The following FBXL12 variants were observed in gnomAD, a reference collection of about 807,000 sequenced individuals.
FBXL12 encodes F-box/LRR-repeat protein 12.
FBXL12 carries 22 observed loss-of-function variants against 24.9 expected under a neutral mutation model. The ratio of observed to expected loss-of-function variants is 0.88; its 90% CI spans 0.63 to 1.26. The LOEUF (loss-of-function observed/expected upper bound fraction) is 1.26, where lower values mean the gene tolerates loss of function less well. Ranked by LOEUF, FBXL12 falls within the 50% of genes most tolerant of loss-of-function variation. The pLI is 0.00. For synonymous variants in FBXL12, 193 were observed against 193.8 expected, an observed-to-expected ratio of 1.00 and a Z score of 0.03; for missense variants, 384 against 434.1, an observed-to-expected ratio of 0.88 and a Z score of 1.03.
Position 9,810,572 on chromosome 19 carries a change from G to A in FBXL12, c.*324C>T, listed in dbSNP as rs1318312435. The A allele has an allele frequency of 1.8e-5, 4 of 226,494 alleles. No individual in the cohort carries two copies. The highest frequency in any genetic ancestry group is 2.6e-5 in the Non-Finnish European group (3 of 113,246). 14.0% of individuals were successfully genotyped at this position (226,494 alleles called of 1,614,324 possible). A position where few individuals can be genotyped will look rare whatever the true frequency, so the allele number is the denominator to read the frequency against. Reference sequence around the variant, plus strand: ...CTTCATCCGTCCTGTTCCTGAAGACGACCATGAAGGTGACTCTTCATTGAG... The same window carrying A: ...CTTCATCCGTCCTGTTCCTGAAGACAACCATGAAGGTGACTCTTCATTGAG... On this transcript the variant is annotated 3_prime_UTR_variant, in exon 3 of 3. Coordinates refer to ENST00000247977, the MANE Select transcript of FBXL12 (RefSeq NM_017703.3).
At chr19:9,818,438 A>G in intron 2 of FBXL12, 107 bp downstream of exon 2, 1 of 1,265,910 alleles carries the variant, frequency 7.9e-7, no homozygotes, top group Non-Finnish European at 1.1e-6. Context: ...GCCTGGCTCT[A>G]AATCCCCAGC....
chr19:9,818,922 G>T lies in FBXL12; in HGVS notation c.-109C>A. On this transcript the variant is annotated 5_prime_UTR_variant, in exon 1 of 3. Coordinates refer to ENST00000247977, the MANE Select transcript of FBXL12 (RefSeq NM_017703.3). ...CCGCGACCTTCCCGTAGCCGGTCGA[G>T]AAATTTGACCTTCCTCTCGCTGGGA... The T allele has an allele frequency of 1.9e-6, 2 of 1,047,026 alleles. No individual in the cohort carries two copies. The highest frequency in any genetic ancestry group is 2.8e-6 in the Non-Finnish European group (2 of 718,578). The allele number at this position is 1,047,026 out of a possible 1,614,324, so 64.9% of individuals were successfully genotyped here. A position where few individuals can be genotyped will look rare whatever the true frequency, so the allele number is the denominator to read the frequency against.
intron 2 of FBXL12, among the ~76,000 whole-genome samples, chr19:9,816,015 G>C (rs957467537): frequency 6.6e-6 from 1 of 152,154 alleles, no homozygotes; most frequent in African/African-American, 2.4e-5. Context: ...GCCAAGACTT[G>C]GGGCTTCCAC....
At position 9,811,506 on chromosome 19, in the gene FBXL12, C is replaced by A. The variant is rs763072406; in HGVS notation, c.371G>T (p.Ser124Ile). Residue 124 changes from serine to isoleucine, a missense_variant, in exon 3 of 3, where the codon AGC becomes ATC. Physicochemically the swap from Ser to Ile is moderately radical, Grantham distance 142 (BLOSUM62 -2). Coordinates refer to ENST00000247977, the MANE Select transcript of FBXL12 (RefSeq NM_017703.3). The surrounding 1 kb of genome is among the most constrained non-coding windows in gnomAD (Gnocchi z 6.0). ...GTGCAGCTCCAGGGTCCTCAAGGTG[C>A]TGGGCAGGCTGGTGATGGGCACCAT... is the stretch of plus-strand genomic sequence containing the variant. ...LSMVPITSLP[S>I]TLRTLELHSC... is the part of the protein sequence containing the mutation. 6.2e-7 allele frequency: 1 copy of A among 1,613,570 alleles called. No individual in the cohort carries two copies. Among genetic ancestry groups the A allele is most frequent in the East Asian group, 2.2e-5 (1 of 44,880 alleles).
chr19:9,811,195 G>A lies in FBXL12; in HGVS notation c.682C>T (p.Arg228Ter), dbSNP rs539610508. Residue 228 changes from arginine (R) to a stop codon, truncating the protein, a stop_gained, in exon 3 of 3, where the codon CGA (arginine) becomes TGA (stop). Coordinates refer to ENST00000247977, the MANE Select transcript of FBXL12 (RefSeq NM_017703.3). LOFTEE classifies it high-confidence loss of function. The surrounding 1 kb of genome is among the most constrained non-coding windows in gnomAD (Gnocchi z 6.0). ...GTCAGCCGGATCTTGCGCACATCTCGGAGGTGGCGGCTGATGGCCAGCAGG... is the reference window on the plus strand; with the variant it reads ...GTCAGCCGGATCTTGCGCACATCTCAGAGGTGGCGGCTGATGGCCAGCAGG... ...STLLAISRHL[R>*]DVRKIRLTVR... is the part of the protein sequence containing the mutation. The A allele has an allele frequency of 9.3e-6, 15 of 1,613,308 alleles. 1 individual carries two copies. Among genetic ancestry groups the A allele is most frequent in the East Asian group, 2.2e-5 (1 of 44,852 alleles).
Position 9,818,567 on chromosome 19 carries a change from T to A in FBXL12, c.137A>T (p.His46Leu). The A allele has an allele frequency of 1.3e-6, 2 of 1,552,186 alleles. No individual in the cohort carries two copies. Among genetic ancestry groups the A allele is most frequent in the Non-Finnish European group, 1.7e-6 (2 of 1,150,858 alleles). ...TACCGTGTAGAGCGTCAGGTCGACA[T>A]GTCGCCACAGCCACCGGTCGTCCAC... ...RLVDDRWLWR[H>L]VDLTLYTMRP... Residue 46 changes from histidine to leucine, a missense_variant, in exon 2 of 3, where the codon CAT (histidine) becomes CTT (leucine). His to Leu is a moderately conservative substitution (Grantham distance 99, BLOSUM62 -3). Transcript: ENST00000247977.
At chr19:9,816,460 CA>C (rs1323257053) in intron 2 of FBXL12, among the ~76,000 whole-genome samples, 2 of 152,194 alleles carry the variant, frequency 1.3e-5, no homozygotes, top group Admixed American at 1.3e-4. Context: ...ACATCTTTCT[CA>C]AGTTCAAAGT....
At chr19:9,815,931 G>A (rs781063727) in intron 2 of FBXL12, among the ~76,000 whole-genome samples, 61 of 152,318 alleles carry the variant, frequency 4.0e-4, no homozygotes, top group African/African-American at 9.9e-4. Context: ...TTATAGGCGT[G>A]AGCCACTGTG....
In FBXL12 at chr19:9,818,874, C is replaced by T. The variant is rs2045943378; in HGVS notation, c.-61G>A. ...GAGACCCGAGGGGTCCTGGGGGCGCCGAGGCGGCTGACAGGGCGGCGGCCG... is the reference window on the plus strand; with the variant it reads ...GAGACCCGAGGGGTCCTGGGGGCGCTGAGGCGGCTGACAGGGCGGCGGCCG... On this transcript the variant is annotated 5_prime_UTR_variant, in exon 1 of 3. Coordinates refer to ENST00000247977, the MANE Select transcript of FBXL12 (RefSeq NM_017703.3). 1.0e-5 allele frequency: 15 copies of T among 1,471,624 alleles called. No individual in the cohort carries two copies. Among genetic ancestry groups the T allele is most frequent in the Middle Eastern group, 1.8e-4 (1 of 5,614 alleles). 91.2% of individuals were successfully genotyped at this position (1,471,624 alleles called of 1,614,324 possible).
At chr19:9,813,767 G>T (rs1265439209) in intron 2 of FBXL12, among the ~76,000 whole-genome samples, 1 of 151,824 alleles carries the variant, frequency 6.6e-6, no homozygotes, top group Non-Finnish European at 1.5e-5. Flanking sequence ...GCCTCCCAAG[G>T]TGCTGGGATT....
In FBXL12 at chr19:9,810,828, G is replaced by A. The variant is rs1399054849; in HGVS notation, c.*68C>T. 1 of 1,285,648 alleles carries A rather than the reference G, an allele frequency of 7.8e-7. No individual in the cohort carries two copies. The highest frequency in any genetic ancestry group is 1.5e-5 in the African/African-American group (1 of 67,750). The allele number at this position is 1,285,648 out of a possible 1,614,324, so 79.6% of individuals were successfully genotyped here. On this transcript the variant is annotated 3_prime_UTR_variant, in exon 3 of 3. Coordinates refer to ENST00000247977, the MANE Select transcript of FBXL12 (RefSeq NM_017703.3). Reference sequence around the variant, plus strand: ...AAGTCTGATTATCTGCCCTCTTCAAGGTGCTGCTCAGAGGGTCTGGGGCTC... The same window carrying A: ...AAGTCTGATTATCTGCCCTCTTCAAAGTGCTGCTCAGAGGGTCTGGGGCTC...
intron 2 of FBXL12, 126 bp downstream of exon 2, chr19:9,818,419 C>T (rs148743252): frequency 4.0e-6 from 4 of 992,038 alleles, no homozygotes; most frequent in East Asian, 2.6e-5. Context: ...CCGAGATAGG[C>T]CCCGGATCGC....
chr19:9,818,786 A>C lies in FBXL12; in HGVS notation c.28T>G (p.Ser10Ala). MATLVELPDSVLLEIFSYLP... is the reference protein window; with the variant it reads MATLVELPDAVLLEIFSYLP... ...TAAGAGAAGATCTCGAGCAGGACCGAGTCCGGCAGTTCGACCAAAGTCGCC... is the reference window on the plus strand; with the variant it reads ...TAAGAGAAGATCTCGAGCAGGACCGCGTCCGGCAGTTCGACCAAAGTCGCC... The change falls in exon 1 of 3, where the codon TCG becomes GCG. Residue 10 changes from serine to alanine, a missense_variant. Transcript: ENST00000247977. 6.4e-7 allele frequency: 1 copy of C among 1,554,910 alleles called. No homozygotes were observed. The highest frequency in any genetic ancestry group is 8.7e-7 in the Non-Finnish European group (1 of 1,147,804).
chr19:9,817,820 GACACAC>G, intron 2 of FBXL12, among the ~76,000 whole-genome samples: 1 of 152,254 alleles, frequency 6.6e-6, no homozygotes, highest in East Asian at 1.9e-4. Flanking sequence ...ATTGTTTTTG[GACACAC>G]ACATATGAAG....
chr19:9,815,284 A>C (rs1377828094), intron 2 of FBXL12, among the ~76,000 whole-genome samples: 1 of 152,206 alleles, frequency 6.6e-6, no homozygotes, highest in African/African-American at 2.4e-5. Context: ...ACCAGGTCAC[A>C]CTGATGCAAG....
At chr19:9,812,107 T>C (rs73014068) in intron 2 of FBXL12, among the ~76,000 whole-genome samples, 16,705 of 152,010 alleles carry the variant, frequency 0.11, 1,304 homozygotes, top group African/African-American at 0.21. Context: ...TTGTGATTTT[T>C]AGTAGAGATG....
chr19:9,816,130 C>T (rs1391959460), intron 2 of FBXL12, among the ~76,000 whole-genome samples: 1 of 152,178 alleles, frequency 6.6e-6, no homozygotes, highest in African/African-American at 2.4e-5. Context: ...CACAGGGACC[C>T]TGGGCCCCCA....
intron 2 of FBXL12, 142 bp downstream of exon 2, chr19:9,818,403 A>G (rs1268256305): frequency 2.4e-6 from 2 of 846,226 alleles, no homozygotes; most frequent in Non-Finnish European, 3.6e-6. Flanking sequence ...CTGGTAAGCG[A>G]TGATGCCGAG....
At position 9,819,057 on chromosome 19, in the gene FBXL12, G is replaced by C. The variant is rs557917700; in HGVS notation, c.-244C>G. ...GCGGGAGGTGGCTGAGGCGTGATTT[G>C]GCCGCGACTGGGAACTAAGACCAAG... On this transcript the variant is annotated 5_prime_UTR_variant, in exon 1 of 3. Coordinates refer to ENST00000247977, the MANE Select transcript of FBXL12 (RefSeq NM_017703.3). The C allele has an allele frequency of 5.2e-6, 3 of 571,808 alleles. No individual in the cohort carries two copies. Among genetic ancestry groups the C allele is most frequent in the South Asian group, 4.1e-5 (2 of 48,406 alleles). The allele number at this position is 571,808 out of a possible 1,614,324, so 35.4% of individuals were successfully genotyped here.
Sources: gnomAD v4.1 joint callset for allele counts (sites outside exome capture counted in the v4.1 genomes callset) on GRCh38, gnomAD v4.1.1 for gene constraint, Gnocchi (gnomAD v3.1) non-coding constraint, MANE v1.5 for transcripts, NCBI Gene and HGNC (gene_info 2026-07-23, HGNC 2026-07-21) for gene names.